EYS: variants seen among roughly 807,000 people sequenced by gnomAD.
EYS encodes protein eyes shut homolog.
A neutral mutation model predicts 282.1 loss-of-function variants in EYS; 250 were observed. That is an observed-to-expected ratio of 0.89 (90% CI 0.80 to 0.98). The LOEUF (loss-of-function observed/expected upper bound fraction) is 0.98, where lower values mean the gene tolerates loss of function less well. Among genes scored for constraint, EYS ranks in the 50% least tolerant of loss-of-function variants. The probability of loss-of-function intolerance (pLI) is 0.00; values close to 1 mark genes in which losing one functional copy is unlikely to be tolerated. For synonymous variants in EYS, 1,355 were observed against 1,282.9 expected, an observed-to-expected ratio of 1.06 and a Z score of -1.20; for missense variants, 4,016 against 3,709.0, an observed-to-expected ratio of 1.08 and a Z score of -2.15.
intron 15 of EYS, among the ~76,000 whole-genome samples, chr6:64,918,371 G>A (rs1768229412): frequency 6.6e-6 from 1 of 152,134 alleles, no homozygotes; most frequent in Non-Finnish European, 1.5e-5. Context: ...GCTGAGGATT[G>A]TGAAAACTAC....
chr6:63,893,072 G>A (rs1357962782), intron 35 of EYS, among the ~76,000 whole-genome samples: 2 of 152,298 alleles, frequency 1.3e-5, no homozygotes, highest in East Asian at 3.9e-4. Context: ...AAAAAGTCAG[G>A]AAACAACAGA....
chr6:65,246,224 A>T (rs1767176191), intron 12 of EYS, among the ~76,000 whole-genome samples: 1 of 152,058 alleles, frequency 6.6e-6, no homozygotes, highest in Admixed American at 6.6e-5. Flanking sequence ...TCCTATACTC[A>T]CCTTATGTTG....
intron 28 of EYS, among the ~76,000 whole-genome samples, chr6:64,435,334 T>C (rs1285865904): frequency 1.3e-5 from 2 of 151,908 alleles, no homozygotes; most frequent in Non-Finnish European, 2.9e-5. Context: ...ATCTGTATTC[T>C]AGATAATAGA....
chr6:64,046,905 C>T (rs1279422880), intron 33 of EYS, among the ~76,000 whole-genome samples: 1 of 152,120 alleles, frequency 6.6e-6, no homozygotes, highest in Non-Finnish European at 1.5e-5. Flanking sequence ...GGACAGAGGT[C>T]AGGGTTAGCT....
intron 26 of EYS, among the ~76,000 whole-genome samples, chr6:64,552,801 C>G: frequency 2.0e-5 from 3 of 150,708 alleles, no homozygotes. Context: ...TGCCTGTAAT[C>G]CCAGCTACTT....
chr6:64,163,857 G>A (rs1289758768), intron 31 of EYS, among the ~76,000 whole-genome samples: 2 of 152,092 alleles, frequency 1.3e-5, no homozygotes, highest in Non-Finnish European at 2.9e-5. Context: ...TGAGAAGCTA[G>A]GGGAGAGAAG....
At chr6:65,433,066 T>C (rs1053941382) in intron 5 of EYS, among the ~76,000 whole-genome samples, 1 of 152,082 alleles carries the variant, frequency 6.6e-6, no homozygotes, top group Non-Finnish European at 1.5e-5. Flanking sequence ...CAATATATAA[T>C]AGGTACCATT....
chr6:65,485,017 T>C (rs1017041138), intron 5 of EYS, among the ~76,000 whole-genome samples: 22 of 152,152 alleles, frequency 1.4e-4, no homozygotes, highest in African/African-American at 4.8e-4. Context: ...TACAGAAAAA[T>C]TTGCCAGCCC....
Position 64,787,428 on chromosome 6 carries a change from C to T in EYS, c.3443+25950G>A, listed in dbSNP as rs923835771. 4.0e-5 allele frequency among the ~76,000 whole-genome samples: 6 copies of T among 151,884 alleles called. No individual in the cohort carries two copies. The South Asian group carries it at 1.2e-3, about 32-fold the overall frequency. On this transcript the variant is annotated intron_variant, in intron 22 of 42. Coordinates refer to ENST00000503581, the MANE Select transcript of EYS (RefSeq NM_001142800.2). ...TTATACTTGAGAATTTTTACTTATC[C>T]TTTGCATATTATTTTTAAAAACTTT...
chr6:63,939,945 A>G (rs1765183256), intron 35 of EYS, among the ~76,000 whole-genome samples: 1 of 152,232 alleles, frequency 6.6e-6, no homozygotes, highest in Admixed American at 6.5e-5. Flanking sequence ...ATACTGTACT[A>G]CTGTAATAAT....
At chr6:63,962,379 C>T (rs1766107157) in intron 35 of EYS, among the ~76,000 whole-genome samples, 1 of 152,072 alleles carries the variant, frequency 6.6e-6, no homozygotes, top group Admixed American at 6.6e-5. Flanking sequence ...GGGCTAATAT[C>T]CAGAATCTAC....
intron 5 of EYS, among the ~76,000 whole-genome samples, chr6:65,454,764 C>T (rs1042882614): frequency 3.3e-5 from 5 of 152,040 alleles, no homozygotes; most frequent in Non-Finnish European, 7.4e-5. Context: ...AAGGGATTGT[C>T]TTTTCCTCAA....
intron 31 of EYS, among the ~76,000 whole-genome samples, chr6:64,095,438 C>G (rs1171579621): frequency 6.6e-6 from 1 of 152,032 alleles, no homozygotes; most frequent in Admixed American, 6.6e-5. Context: ...CTGGGTGCTC[C>G]TGTATTGGGT....
chr6:64,150,425 A>G (rs1774662565), intron 31 of EYS, among the ~76,000 whole-genome samples: 1 of 152,190 alleles, frequency 6.6e-6, no homozygotes, highest in South Asian at 2.1e-4. Flanking sequence ...CACAACAAAT[A>G]TAAGAAACAA....
chr6:65,544,001 A>AGAGTGTGTGT (rs1554208982), intron 2 of EYS, among the ~76,000 whole-genome samples: 1 of 144,976 alleles, frequency 6.9e-6, no homozygotes, highest in African/African-American at 2.6e-5. Context: ...AAAAAGAGAA[A>AGAGTGTGTGT]GTGTGTGTGT....
At chr6:63,827,171 A>T (rs911952963) in intron 36 of EYS, among the ~76,000 whole-genome samples, 1 of 152,246 alleles carries the variant, frequency 6.6e-6, no homozygotes, top group Non-Finnish European at 1.5e-5. Context: ...GTTAAAAGAG[A>T]CAAAGAAGGA....
At chr6:64,413,071 G>C (rs141424224) in intron 28 of EYS, among the ~76,000 whole-genome samples, 2 of 152,062 alleles carry the variant, frequency 1.3e-5, no homozygotes, top group African/African-American at 4.8e-5. Flanking sequence ...TAAAACTATG[G>C]ATACTAGTTG....
intron 22 of EYS, among the ~76,000 whole-genome samples, chr6:64,632,937 T>C (rs1327695886): frequency 6.6e-6 from 1 of 152,288 alleles, no homozygotes; most frequent in South Asian, 2.1e-4. Context: ...CTGTGATAGA[T>C]TGGAATCTAA....
chr6:64,038,533 A>G (rs1296209041), intron 33 of EYS, among the ~76,000 whole-genome samples: 2 of 151,792 alleles, frequency 1.3e-5, no homozygotes, highest in Non-Finnish European at 2.9e-5. Flanking sequence ...TTCCTAATTG[A>G]CTATCAAAAT....
Sources: gnomAD v4.1 joint callset for allele counts (sites outside exome capture counted in the v4.1 genomes callset) on GRCh38, gnomAD v4.1.1 for gene constraint, MANE v1.5 for transcripts, NCBI Gene and HGNC (gene_info 2026-07-23, HGNC 2026-07-21) for gene names.